The following DMRTB1 variants were observed in gnomAD, a reference collection of about 807,000 sequenced individuals.
The protein encoded by DMRTB1 is doublesex- and mab-3-related transcription factor B1.
A neutral mutation model predicts 25.2 loss-of-function variants in DMRTB1; 9 were observed. That is an observed-to-expected ratio of 0.36 (90% confidence interval 0.22 to 0.62). DMRTB1 has a LOEUF of 0.62. DMRTB1 is among the 20% of genes least tolerant of loss of function. The pLI, the probability that DMRTB1 is intolerant of heterozygous loss-of-function variation, is 0.71. For missense variants in DMRTB1, 551 were observed against 499.3 expected (o/e 1.10, Z -0.99); for synonymous variants, 269 against 238.1 (o/e 1.13, Z -1.20).
At position 53,466,595 on chromosome 1, in the gene DMRTB1, A is replaced by T. The variant is rs368024889; in HGVS notation, c.962A>T (p.Asp321Val). Residue 321 changes from aspartate to valine, a missense_variant and splice_region_variant, in exon 4 of 4, where the codon GAT becomes GTT. Physicochemically the swap from Asp to Val is radical, Grantham distance 152. Coordinates refer to ENST00000371445, the MANE Select transcript of DMRTB1 (RefSeq NM_033067.3). ...CAGCTACCTTCTTTGTCCTTCACAG[A>T]TGACCAGGATGCAGAGGTACTGTCG... ...VLFDTDKENTDDQDAEVLSGE... is the reference protein window; with the variant it reads ...VLFDTDKENTVDQDAEVLSGE... The T allele has an allele frequency of 8.1e-6, 13 of 1,614,188 alleles. No homozygotes were observed. The African/African-American group carries it at 1.6e-4, about 20-fold the overall frequency.
rs74393731 is a variant in DMRTB1 at position 53,463,742 on chromosome 1, A to G, written c.751-895A>G. Among the ~76,000 whole-genome samples, 49 of 152,308 alleles carry G rather than the reference A, an allele frequency of 3.2e-4. No homozygotes were observed. In the East Asian group the frequency reaches 9.3e-3, roughly 29 times the overall value. ...AACAAAGAACACTTTTAAGAGTACT[A>G]AAAAATACTTTGTAGGACACCAGGA... On this transcript the variant is annotated intron_variant, in intron 2 of 3. Transcript: ENST00000371445.
rs75009794 is a variant in DMRTB1 at position 53,464,526 on chromosome 1, G to A, written c.751-111G>A. 3.8e-3 allele frequency: 5,806 copies of A among 1,538,564 alleles called. 182 individuals carry two copies. The African/African-American group carries it at 0.069, about 18-fold the overall frequency. On this transcript the variant is annotated intron_variant, in intron 2 of 3. Transcript: ENST00000371445. ...GCCCTGTGCCTGTGTGTTTGGGGCC[G>A]TGCATCTACCCCATCAGGAGCCCCC...
chr1:53,464,831 T>C lies in DMRTB1; in HGVS notation c.945T>C (p.Thr315=). Residue 315 remains threonine, a synonymous_variant, in exon 3 of 4, where the codon ACT becomes ACC. Transcript: ENST00000371445. ...SSFSLTVLFD[T]DKENTDDQDA... is the part of the protein sequence containing the mutation. ...TCTCACTGACCGTCCTGTTTGATACTGACAAGGAGAACACTGGTGAGTGAG... is the reference window on the plus strand; with the variant it reads ...TCTCACTGACCGTCCTGTTTGATACCGACAAGGAGAACACTGGTGAGTGAG... 2 of 1,613,756 alleles carry C rather than the reference T, an allele frequency of 1.2e-6. No homozygotes were observed. The highest frequency in any genetic ancestry group is 1.7e-6 in the Non-Finnish European group (2 of 1,179,904).
chr1:53,465,208 T>C (rs4142851), intron 3 of DMRTB1, among the ~76,000 whole-genome samples: 14,349 of 152,232 alleles, frequency 0.094, 830 homozygotes, highest in East Asian at 0.16. Context: ...ATGGTGTGTT[T>C]GGAAGACCAG....
chr1:53,459,890 C>T lies in DMRTB1; in HGVS notation c.437C>T (p.Pro146Leu), dbSNP rs777948894. ...CTGGGCGGCCGCAGCCACGTGGAGC[C>T]GAGCGAGCGAGCCGCCGTGGCGATG... ...PVLGGRSHVE[P>L]SERAAVAMPS... The change falls in exon 1 of 4, where the codon CCG becomes CTG. Residue 146 changes from proline (P) to leucine (L), a missense_variant. Pro to Leu is a moderately conservative substitution (Grantham distance 98, BLOSUM62 -3). Coordinates refer to ENST00000371445, the MANE Select transcript of DMRTB1 (RefSeq NM_033067.3). 2.6e-6 allele frequency: 4 copies of T among 1,523,506 alleles called. No individual in the cohort carries two copies. Among genetic ancestry groups the T allele is most frequent in the South Asian group, 1.2e-5 (1 of 83,274 alleles). 94.4% of individuals were successfully genotyped at this position (1,523,506 alleles called of 1,614,324 possible). A position where few individuals can be genotyped will look rare whatever the true frequency, so the allele number is the denominator to read the frequency against.
Position 53,459,950 on chromosome 1 carries a change from C to T in DMRTB1, c.497C>T (p.Ala166Val). ...SLAGPPFGAE[A>V]AGSGYPGPLD... ...GCGGGACCCCCTTTTGGGGCGGAGG[C>T]CGCAGGCAGTGGCTACCCTGGCCCC... Residue 166 changes from alanine to valine, a missense_variant, in exon 1 of 4, where the codon GCC (alanine) becomes GTC (valine). By Grantham distance (64) the Ala-to-Val change is moderately conservative. Transcript: ENST00000371445. 6.4e-7 allele frequency: 1 copy of T among 1,572,152 alleles called. No homozygotes were observed. Among genetic ancestry groups the T allele is most frequent in the Non-Finnish European group, 8.6e-7 (1 of 1,168,424 alleles).
At chr1:53,460,112 TC>T (rs1255868460) in intron 1 of DMRTB1, 82 bp downstream of exon 1, 5 of 1,434,328 alleles carry the variant, frequency 3.5e-6, no homozygotes, top group Non-Finnish European at 4.5e-6. Context: ...GCATAGGGGT[TC>T]GGGGTGGAGA....
intron 3 of DMRTB1, among the ~76,000 whole-genome samples, chr1:53,465,778 G>C (rs761438718): frequency 1.8e-4 from 27 of 152,208 alleles, no homozygotes; most frequent in Non-Finnish European, 3.5e-4. Context: ...TGTGAGTCCT[G>C]GCTCCAGCAC....
At position 53,461,526 on chromosome 1, in the gene DMRTB1, G is replaced by A; in HGVS notation, c.631G>A (p.Gly211Ser). The change falls in exon 2 of 4, where the codon GGC becomes AGC. Residue 211 changes from glycine to serine, a missense_variant. Gly to Ser is a moderately conservative substitution (Grantham distance 56). Transcript: ENST00000371445. ...TGCACTGGGCCCTGAGTACCCTGGTGGCTCCAGCATGCACCCCTACTGCCC... is the reference window on the plus strand; with the variant it reads ...TGCACTGGGCCCTGAGTACCCTGGTAGCTCCAGCATGCACCCCTACTGCCC... ...DRALGPEYPG[G>S]SSMHPYCPFP... 2 of 1,611,906 alleles carry A rather than the reference G, an allele frequency of 1.2e-6. No individual in the cohort carries two copies. The highest frequency in any genetic ancestry group is 1.7e-4 in the Middle Eastern group (1 of 6,048).
intron 1 of DMRTB1, among the ~76,000 whole-genome samples, chr1:53,460,885 G>A (rs1255381117): frequency 5.9e-5 from 9 of 152,236 alleles, no homozygotes; most frequent in South Asian, 2.1e-4. Flanking sequence ...GGCTCGTCCC[G>A]CCCCCCTGAC....
intron 2 of DMRTB1, among the ~76,000 whole-genome samples, chr1:53,462,437 C>G (rs1644027512): frequency 6.6e-6 from 1 of 152,212 alleles, no homozygotes; most frequent in South Asian, 2.1e-4. Context: ...GTTGGGCACA[C>G]AGGTCACTGG....
Position 53,466,672 on chromosome 1 carries a change from C to T in DMRTB1, c.*10C>T. On this transcript the variant is annotated 3_prime_UTR_variant, in exon 4 of 4. Coordinates refer to ENST00000371445, the MANE Select transcript of DMRTB1 (RefSeq NM_033067.3). ...GGAGCAGTCCGACTAGGCCCCAGGC[C>T]CGCCCTCCTGGCCAGCAGAGTGGGG... 5 of 1,614,080 alleles carry T rather than the reference C, an allele frequency of 3.1e-6. No individual in the cohort carries two copies. The South Asian group carries it at 3.3e-5, about 11-fold the overall frequency.
rs371372052 is a variant in DMRTB1 at position 53,464,854 on chromosome 1, G to T, written c.961+7G>T. Reference sequence around the variant, plus strand: ...ACTGACAAGGAGAACACTGGTGAGTGAGCTCCAGTCTTCCAGCTTCAGCGA... The same window carrying T: ...ACTGACAAGGAGAACACTGGTGAGTTAGCTCCAGTCTTCCAGCTTCAGCGA... On this transcript the variant is annotated splice_region_variant and intron_variant, in intron 3 of 3. Transcript: ENST00000371445. 1.1e-5 allele frequency: 18 copies of T among 1,613,652 alleles called. No individual in the cohort carries two copies. Among genetic ancestry groups the T allele is most frequent in the Non-Finnish European group, 1.4e-5 (17 of 1,180,034 alleles).
chr1:53,464,790 C>T lies in DMRTB1; in HGVS notation c.904C>T (p.Pro302Ser). The change falls in exon 3 of 4, where the codon CCA becomes TCA. Residue 302 changes from proline (P) to serine (S), a missense_variant. Coordinates refer to ENST00000371445, the MANE Select transcript of DMRTB1 (RefSeq NM_033067.3). ...CTTCCTCCCCCCGCCACCGCCACCA[C>T]CACCTCCATCATCTTTCTCACTGAC... ...LHFLPPPPPPPPPSSFSLTVL... is the reference protein window; with the variant it reads ...LHFLPPPPPPSPPSSFSLTVL... 2 of 1,613,976 alleles carry T rather than the reference C, an allele frequency of 1.2e-6. No homozygotes were observed. Among genetic ancestry groups the T allele is most frequent in the Non-Finnish European group, 1.7e-6 (2 of 1,179,968 alleles).
chr1:53,460,568 G>C (rs1644016111), intron 1 of DMRTB1: 1 of 153,026 alleles, frequency 6.5e-6, no homozygotes, highest in African/African-American at 2.4e-5. Flanking sequence ...CAGGTGAGGG[G>C]AGCCTGCTTC....
rs2100635513 is a variant in DMRTB1 at position 53,459,740 on chromosome 1, G to A, written c.287G>A (p.Arg96His). ...APVPVPAASL[R>H]PLSPGTPSGD... ...GTCCCCGTCCCGGCCGCGAGCCTCC[G>A]CCCGCTGTCCCCGGGGACTCCCTCC... Residue 96 changes from arginine to histidine, a missense_variant, in exon 1 of 4, where the codon CGC becomes CAC. Coordinates refer to ENST00000371445, the MANE Select transcript of DMRTB1 (RefSeq NM_033067.3). 2 of 1,354,960 alleles carry A rather than the reference G, an allele frequency of 1.5e-6. No homozygotes were observed. The highest frequency in any genetic ancestry group is 1.9e-6 in the Non-Finnish European group (2 of 1,057,204). 83.9% of individuals were successfully genotyped at this position (1,354,960 alleles called of 1,614,324 possible).
Position 53,466,643 on chromosome 1 carries a change from C to T in DMRTB1, c.1010C>T (p.Ser337Phe). 1.2e-6 allele frequency: 2 copies of T among 1,614,230 alleles called. No homozygotes were observed. The highest frequency in any genetic ancestry group is 1.6e-4 in the Middle Eastern group (1 of 6,062). ...TCGGGTGAGCCCAGCCAGCCATCGT[C>T]TCAGGAGCAGTCCGACTAGGCCCCA... is the stretch of plus-strand genomic sequence containing the variant. ...VLSGEPSQPS[S>F]QEQSD is the part of the protein sequence containing the mutation. The change falls in exon 4 of 4, where the codon TCT becomes TTT. Residue 337 changes from serine (S) to phenylalanine (F), a missense_variant. Transcript: ENST00000371445.
Position 53,466,806 on chromosome 1 carries a change from A to C in DMRTB1, c.*144A>C. 1 of 811,690 alleles carries C rather than the reference A, an allele frequency of 1.2e-6. No individual in the cohort carries two copies. The highest frequency in any genetic ancestry group is 1.6e-5 in the South Asian group (1 of 61,910). The allele number at this position is 811,690 out of a possible 1,614,324, so 50.3% of individuals were successfully genotyped here. On this transcript the variant is annotated 3_prime_UTR_variant, in exon 4 of 4. Coordinates refer to ENST00000371445, the MANE Select transcript of DMRTB1 (RefSeq NM_033067.3). ...TGATTCCCAGTTTAAGATAGGAGGAAGGAGAGCAATTTCTAAGTTTCAATC... is the reference window on the plus strand; with the variant it reads ...TGATTCCCAGTTTAAGATAGGAGGACGGAGAGCAATTTCTAAGTTTCAATC...
chr1:53,464,731 A>C lies in DMRTB1; in HGVS notation c.845A>C (p.Gln282Pro). ...CTTCCACCGCTTCCACCGCAGCCCCAGTTCCTCCCGCCAGGCTACCTCTCT... is the reference window on the plus strand; with the variant it reads ...CTTCCACCGCTTCCACCGCAGCCCCCGTTCCTCCCGCCAGGCTACCTCTCT... ...PPLPPLPPQP[Q>P]FLPPGYLSAL... Residue 282 changes from glutamine to proline, a missense_variant, in exon 3 of 4, where the codon CAG becomes CCG. Coordinates refer to ENST00000371445, the MANE Select transcript of DMRTB1 (RefSeq NM_033067.3). 1 of 1,613,152 alleles carries C rather than the reference A, an allele frequency of 6.2e-7. No homozygotes were observed.
Sources: gnomAD v4.1 joint callset for allele counts (sites outside exome capture counted in the v4.1 genomes callset) on GRCh38, gnomAD v4.1.1 for gene constraint, MANE v1.5 for transcripts, NCBI Gene and HGNC (gene_info 2026-07-23, HGNC 2026-07-21) for gene names.